The following CPXM2 variants were observed in gnomAD, a reference collection of about 807,000 sequenced individuals.
CPXM2 encodes the protein carboxypeptidase X, M14 family member 2.
CPXM2 carries 66 observed loss-of-function variants against 86.1 expected under a neutral mutation model. The observed-to-expected ratio is 0.77, with a 90% CI of 0.63 to 0.94. CPXM2 has a LOEUF of 0.94. CPXM2 is among the 40% of genes least tolerant of loss of function. The pLI is 0.00. For synonymous variants in CPXM2, 388 were observed against 400.2 expected (o/e 0.97, Z 0.36); for missense variants, 948 against 1,026.3 (o/e 0.92, Z 1.04).
rs186109993 is a variant in CPXM2 at position 123,866,519 on chromosome 10, C to T, written c.404-3796G>A. ...GGCGGAGGTTGCAGTGAGCCGAGAT[C>T]GTGCCACTGCACTCCAGCCTGGGCT... On this transcript the variant is annotated intron_variant, in intron 2 of 13. Transcript: ENST00000241305. Among the ~76,000 whole-genome samples the T allele has an allele frequency of 6.7e-4, 102 of 151,560 alleles. 4 individuals are homozygous for T. The East Asian group carries it at 0.018, about 26-fold the overall frequency.
intron 4 of CPXM2, among the ~76,000 whole-genome samples, chr10:123,816,994 A>C (rs950832947): frequency 1.1e-5 from 1 of 94,044 alleles, no homozygotes; most frequent in African/African-American, 3.4e-5. Context: ...TCTACCTCAG[A>C]AAAATTTCTA....
intron 2 of CPXM2, among the ~76,000 whole-genome samples, chr10:123,863,748 C>T (rs1200437655): frequency 6.6e-6 from 1 of 152,344 alleles, no homozygotes; most frequent in South Asian, 2.1e-4. Context: ...CTGCCACTCT[C>T]GTGGTCTGGC....
intron 2 of CPXM2, among the ~76,000 whole-genome samples, chr10:123,938,439 A>G (rs1455901194): frequency 6.6e-6 from 1 of 152,220 alleles, no homozygotes; most frequent in East Asian, 1.9e-4. Context: ...GATGGCTTCA[A>G]AGAGCATGTC....
chr10:123,815,014 G>A (rs1226442715), intron 4 of CPXM2, among the ~76,000 whole-genome samples: 1 of 152,068 alleles, frequency 6.6e-6, no homozygotes, highest in African/African-American at 2.4e-5. Context: ...TACAGAGTGG[G>A]ACCTCGTCTA....
intron 2 of CPXM2, among the ~76,000 whole-genome samples, chr10:123,866,250 C>T (rs1177228199): frequency 6.6e-6 from 1 of 152,112 alleles, no homozygotes; most frequent in Non-Finnish European, 1.5e-5. Context: ...TGCCACTCAG[C>T]GTCCAATCAC....
intron 11 of CPXM2, among the ~76,000 whole-genome samples, chr10:123,761,172 G>C (rs560756194): frequency 6.6e-6 from 1 of 152,330 alleles, no homozygotes; most frequent in African/African-American, 2.4e-5. Context: ...CTACAGTCCT[G>C]AGTGGATGCC....
intron 4 of CPXM2, among the ~76,000 whole-genome samples, chr10:123,833,742 C>T (rs1200709246): frequency 6.6e-6 from 1 of 152,232 alleles, no homozygotes; most frequent in Non-Finnish European, 1.5e-5. Flanking sequence ...GTTAACGCCA[C>T]TAGGACCACA....
chr10:123,893,649 C>G (rs1370785347), upstream of CPXM2, among the ~76,000 whole-genome samples: 1 of 152,070 alleles, frequency 6.6e-6, no homozygotes, highest in East Asian at 1.9e-4. Flanking sequence ...CTTTGCTCCC[C>G]AACCCTTCCT....
intron 2 of CPXM2, among the ~76,000 whole-genome samples, chr10:123,901,787 G>T (rs1490098850): frequency 6.6e-6 from 1 of 152,168 alleles, no homozygotes; most frequent in African/African-American, 2.4e-5. Flanking sequence ...CAACCAATCA[G>T]AGTTCACCTG....
At chr10:123,869,020 A>C (rs1462645765) in intron 2 of CPXM2, among the ~76,000 whole-genome samples, 1 of 152,242 alleles carries the variant, frequency 6.6e-6, no homozygotes, top group Non-Finnish European at 1.5e-5. Context: ...TTACCAAGAA[A>C]GACGGGAGTG....
chr10:123,878,493 A>C (rs917289056), intron 2 of CPXM2, among the ~76,000 whole-genome samples: 2 of 139,662 alleles, frequency 1.4e-5, no homozygotes, highest in African/African-American at 5.5e-5. Flanking sequence ...GCAGAAAAGG[A>C]GGCAAATTCA....
At position 123,842,598 on chromosome 10, in the gene CPXM2, G is replaced by A. The variant is rs1036199625; in HGVS notation, c.514-110C>T. On this transcript the variant is annotated intron_variant, in intron 3 of 13. Coordinates refer to ENST00000241305, the MANE Select transcript of CPXM2 (RefSeq NM_198148.3). ...GGGAGGGAGGATAGGAGAAGAAAAT[G>A]AGGAAGGTGTTAAAGAAAAAAATAA... The A allele has an allele frequency of 2.8e-5, 31 of 1,106,520 alleles. 1 individual carries two copies. In the East Asian group the frequency reaches 3.3e-4, roughly 12 times the overall value. 68.5% of individuals were successfully genotyped at this position (1,106,520 alleles called of 1,614,324 possible). A position where few individuals can be genotyped will look rare whatever the true frequency, so the allele number is the denominator to read the frequency against.
At chr10:123,800,388 T>C (rs1847432249) in intron 4 of CPXM2, among the ~76,000 whole-genome samples, 1 of 152,268 alleles carries the variant, frequency 6.6e-6, no homozygotes, top group Non-Finnish European at 1.5e-5. Context: ...AGTCACCAGT[T>C]TGAGCCCAGG....
intron 1 of CPXM2, among the ~76,000 whole-genome samples, chr10:123,889,450 A>G (rs1338472649): frequency 7.2e-6 from 1 of 139,632 alleles, no homozygotes; most frequent in Non-Finnish European, 1.6e-5. Flanking sequence ...GTTCCCAGCT[A>G]GTTCCATGTG....
At chr10:123,759,439 C>T (rs1167537290) in intron 11 of CPXM2, among the ~76,000 whole-genome samples, 1 of 152,174 alleles carries the variant, frequency 6.6e-6, no homozygotes, top group Admixed American at 6.5e-5. Context: ...GAAGAACTGG[C>T]AAAATGAGAA....
At chr10:123,797,629 G>A (rs1041488186) in intron 6 of CPXM2, among the ~76,000 whole-genome samples, 1 of 151,950 alleles carries the variant, frequency 6.6e-6, no homozygotes, top group East Asian at 1.9e-4. Flanking sequence ...GTGCTATTTC[G>A]GCTCACTGCA....
At position 123,865,131 on chromosome 10, in the gene CPXM2, G is replaced by A. The variant is rs1299654443; in HGVS notation, c.404-2408C>T. Among the ~76,000 whole-genome samples, 1 of 152,184 alleles carries A rather than the reference G, an allele frequency of 6.6e-6. No individual in the cohort carries two copies. Among genetic ancestry groups the A allele is most frequent in the Non-Finnish European group, 1.5e-5 (1 of 68,018 alleles). ...CCACAGCACAGATGATGACTTTGGT[G>A]GGGGAGCCCAGATAAACACACACGA... On this transcript the variant is annotated intron_variant, in intron 2 of 13. Transcript: ENST00000241305. This position sits in a 1 kb window ranked among gnomAD's most constrained non-coding sequence, Gnocchi z 4.7.
chr10:123,942,728 A>G (rs1379109010), upstream of CPXM2, among the ~76,000 whole-genome samples: 1 of 152,170 alleles, frequency 6.6e-6, no homozygotes, highest in East Asian at 1.9e-4. Context: ...GGCTCTCACT[A>G]TGGAGTAGCC....
At chr10:123,908,609 G>T (rs1456589803) in intron 2 of CPXM2, among the ~76,000 whole-genome samples, 4 of 152,120 alleles carry the variant, frequency 2.6e-5, no homozygotes, top group Non-Finnish European at 4.4e-5. Flanking sequence ...ACAGGTGTGG[G>T]GAGAGGGGCC....
Sources: gnomAD v4.1 joint callset for allele counts (sites outside exome capture counted in the v4.1 genomes callset) on GRCh38, gnomAD v4.1.1 for gene constraint, Gnocchi (gnomAD v3.1) non-coding constraint, MANE v1.5 for transcripts, NCBI Gene and HGNC (gene_info 2026-07-23, HGNC 2026-07-21) for gene names.